VXN: variants seen among roughly 807,000 people sequenced by gnomAD.
VXN encodes uncharacterized protein C8orf46.
Under a neutral mutation model 23.1 loss-of-function variants are expected in VXN, and 7 were observed. The observed-to-expected ratio is 0.30, with a 90% CI of 0.17 to 0.57. The LOEUF (loss-of-function observed/expected upper bound fraction) is 0.57, where lower values mean the gene tolerates loss of function less well. VXN is among the 20% of genes least tolerant of loss of function. The pLI, the probability that VXN is intolerant of heterozygous loss-of-function variation, is 0.91. For missense variants in VXN, 238 were observed against 272.6 expected (o/e 0.87, Z 0.89); for synonymous variants, 120 against 105.8 (o/e 1.13, Z -0.83).
At chr8:66,497,254 G>A (rs1166791995) in intron 2 of VXN, among the ~76,000 whole-genome samples, 1 of 152,180 alleles carries the variant, frequency 6.6e-6, no homozygotes, top group East Asian at 1.9e-4. Flanking sequence ...AAAAGGATAA[G>A]AACAATTTCA....
At position 66,498,180 on chromosome 8, in the gene VXN, A is replaced by G. The variant is rs538307738; in HGVS notation, c.126+1688A>G. ...AAGACTCCGTCTCAAAAAAAAAAAAAAAAATTAGCCAGGCATGGTGCTATG... is the reference window on the plus strand; with the variant it reads ...AAGACTCCGTCTCAAAAAAAAAAAAGAAAATTAGCCAGGCATGGTGCTATG... On this transcript the variant is annotated intron_variant, in intron 2 of 5. Transcript: ENST00000305454. 4.6e-3 allele frequency among the ~76,000 whole-genome samples: 705 copies of G among 151,884 alleles called. 7 individuals carry two copies. Among genetic ancestry groups the G allele is most frequent in the African/African-American group, 0.016 (674 of 41,408 alleles).
At chr8:66,494,499 A>T (rs1440208053) in intron 1 of VXN, 3 of 152,272 alleles carry the variant, frequency 2.0e-5, no homozygotes, top group Admixed American at 6.6e-5. Flanking sequence ...TCTCATTGTC[A>T]GCCTTGAATG....
intron 3 of VXN, among the ~76,000 whole-genome samples, chr8:66,509,510 G>T (rs1489494105): frequency 6.6e-6 from 1 of 152,158 alleles, no homozygotes; most frequent in African/African-American, 2.4e-5. Flanking sequence ...TCCCAGCACA[G>T]GCATGACTTC....
Position 66,513,614 on chromosome 8 carries a change from GA to G in VXN, c.419del (p.Lys140ArgfsTer5). ...SLEATAMGTE[K>X]GAVLMRGSRH... Reference sequence around the variant, plus strand: ...TGGAGGCGACAGCCATGGGCACAGAGAAGGGAGCTGTTCTGATGAGAGGGTA... The same window carrying G: ...TGGAGGCGACAGCCATGGGCACAGAGAGGGAGCTGTTCTGATGAGAGGGTA... On this transcript the variant is annotated frameshift_variant, in exon 5 of 6. Coordinates refer to ENST00000305454, the MANE Select transcript of VXN (RefSeq NM_152765.4). LOFTEE classifies it high-confidence loss of function. The G allele has an allele frequency of 6.2e-7, 1 of 1,614,194 alleles. No homozygotes were observed. The highest frequency in any genetic ancestry group is 1.1e-5 in the South Asian group (1 of 91,088).
intron 2 of VXN, among the ~76,000 whole-genome samples, chr8:66,503,001 C>A (rs1335760918): frequency 6.6e-6 from 1 of 151,972 alleles, no homozygotes; most frequent in Admixed American, 6.6e-5. Flanking sequence ...CATGTGGCAC[C>A]ACACCCAGCT....
chr8:66,513,597 A>G lies in VXN; in HGVS notation c.400A>G (p.Thr134Ala). ...KTSASASLEA[T>A]AMGTEKGAVL... Reference sequence around the variant, plus strand: ...TTCAGCCTCTGCCTCATTGGAGGCGACAGCCATGGGCACAGAGAAGGGAGC... The same window carrying G: ...TTCAGCCTCTGCCTCATTGGAGGCGGCAGCCATGGGCACAGAGAAGGGAGC... The change falls in exon 5 of 6, where the codon ACA (threonine) becomes GCA (alanine). Residue 134 changes from threonine (T) to alanine (A), a missense_variant. Physicochemically the swap from Thr to Ala is moderately conservative, Grantham distance 58 (BLOSUM62 0). Coordinates refer to ENST00000305454, the MANE Select transcript of VXN (RefSeq NM_152765.4). 1 of 1,613,976 alleles carries G rather than the reference A, an allele frequency of 6.2e-7. No individual in the cohort carries two copies. Among genetic ancestry groups the G allele is most frequent in the Non-Finnish European group, 8.5e-7 (1 of 1,180,006 alleles).
intron 2 of VXN, chr8:66,501,384 T>C (rs947396722): frequency 6.6e-6 from 1 of 152,208 alleles, no homozygotes; most frequent in Non-Finnish European, 1.5e-5. Flanking sequence ...AATTTGATTG[T>C]AGGGCAACTG....
chr8:66,513,108 C>T (rs144292806), intron 4 of VXN, among the ~76,000 whole-genome samples: 167 of 152,322 alleles, frequency 1.1e-3, no homozygotes, highest in African/African-American at 3.3e-3. Flanking sequence ...CCCTACCCTA[C>T]GTAGCCTAAT....
chr8:66,512,261 G>T (rs1259974936), intron 4 of VXN, among the ~76,000 whole-genome samples: 4 of 152,122 alleles, frequency 2.6e-5, no homozygotes, highest in African/African-American at 9.7e-5. Flanking sequence ...CCTAAGGAAA[G>T]GGGAAAAGAG....
rs1807628718 is a variant in VXN at position 66,496,555 on chromosome 8, T to G, written c.126+63T>G. 4 of 1,443,824 alleles carry G rather than the reference T, an allele frequency of 2.8e-6. No homozygotes were observed. The South Asian group carries it at 3.4e-5, about 12-fold the overall frequency. The allele number at this position is 1,443,824 out of a possible 1,614,324, so 89.4% of individuals were successfully genotyped here. On this transcript the variant is annotated intron_variant, in intron 2 of 5. Transcript: ENST00000305454. ...TTCATTTAAAAAGCAATGCCAGGCT[T>G]CTTCTTCACTCTCGCTCCCCAGCTC... is the stretch of plus-strand genomic sequence containing the variant.
chr8:66,508,378 G>A (rs569911498), intron 3 of VXN, among the ~76,000 whole-genome samples: 60 of 152,228 alleles, frequency 3.9e-4, no homozygotes, highest in Non-Finnish European at 6.8e-4. Flanking sequence ...AGGTCCACTT[G>A]GAGCAGAAAT....
intron 5 of VXN, among the ~76,000 whole-genome samples, chr8:66,514,591 A>G (rs1365324218): frequency 6.6e-6 from 1 of 152,070 alleles, no homozygotes; most frequent in African/African-American, 2.4e-5. Context: ...CACCACGCCC[A>G]GCCGATTTTT....
intron 3 of VXN, among the ~76,000 whole-genome samples, chr8:66,509,786 A>G (rs1382145796): frequency 6.6e-6 from 1 of 152,180 alleles, no homozygotes; most frequent in African/African-American, 2.4e-5. Context: ...GAGGTTTCCC[A>G]TATACCTCCT....
chr8:66,505,166 C>T (rs1327508648), intron 2 of VXN: 1 of 734,988 alleles, frequency 1.4e-6, no homozygotes, highest in African/African-American at 1.7e-5. Flanking sequence ...CCCATGGCAC[C>T]ATTTGGCAGT....
chr8:66,515,768 A>G (rs1335954222), intron 5 of VXN, 125 bp from the exon 6 acceptor site: 3 of 794,782 alleles, frequency 3.8e-6, no homozygotes, highest in Non-Finnish European at 5.8e-6. Context: ...CCTTACAGCT[A>G]CGTGGATCCC....
chr8:66,512,384 A>T (rs1196163930), intron 4 of VXN, among the ~76,000 whole-genome samples: 1 of 152,208 alleles, frequency 6.6e-6, no homozygotes, highest in Admixed American at 6.5e-5. Flanking sequence ...AGCTCTGCCC[A>T]CAGTCGGCCA....
intron 2 of VXN, among the ~76,000 whole-genome samples, chr8:66,497,456 G>T (rs1251485362): frequency 1.3e-5 from 2 of 152,174 alleles, no homozygotes; most frequent in African/African-American, 4.8e-5. Flanking sequence ...ACCAGCATCG[G>T]CTTTCCTCTT....
At chr8:66,512,765 C>G (rs149829319) in intron 4 of VXN, among the ~76,000 whole-genome samples, 2 of 152,142 alleles carry the variant, frequency 1.3e-5, no homozygotes, top group Non-Finnish European at 2.9e-5. Flanking sequence ...GAAGGGGAGA[C>G]AGATGAGGCC....
chr8:66,499,000 CT>C (rs1807658294), intron 2 of VXN: 1 of 197,210 alleles, frequency 5.1e-6, no homozygotes, highest in Non-Finnish European at 1.1e-5. Flanking sequence ...GAGCAAGTTG[CT>C]TAGCTATTGT....
Sources: allele counts gnomAD v4.1 joint callset (sites outside exome capture counted in the v4.1 genomes callset), GRCh38; gene constraint gnomAD v4.1.1; transcripts MANE v1.5; gene names NCBI Gene and HGNC (gene_info 2026-07-23, HGNC 2026-07-21).